The following MUC20 variants were observed in gnomAD, a reference collection of about 807,000 sequenced individuals.
The protein encoded by MUC20 is mucin-20.
Under a neutral mutation model 23.8 loss-of-function variants are expected in MUC20, and 14 were observed. The observed-to-expected ratio is 0.59, with a 90% confidence interval of 0.39 to 0.92. MUC20 has a LOEUF of 0.92. Among genes scored for constraint, MUC20 ranks in the 40% least tolerant of loss-of-function variants. The pLI, the probability that MUC20 is intolerant of heterozygous loss-of-function variation, is 0.00. For synonymous variants in MUC20, 166 were observed against 279.3 expected (o/e 0.59, Z 4.04); for missense variants, 375 against 668.8 (o/e 0.56, Z 4.85).
rs1434198239 is a variant in MUC20, at chr3:195,722,756, T to A, written c.76+1673T>A. Reference sequence around the variant, plus strand: ...GGACCAAGAAGGCTCAAAGAAATGATCTCAGGCTTGAAGTGGGGAGAAGAA... The same window carrying A: ...GGACCAAGAAGGCTCAAAGAAATGAACTCAGGCTTGAAGTGGGGAGAAGAA... On this transcript the variant is annotated intron_variant, in intron 1 of 3. Transcript: ENST00000447234. 7 of 982,614 alleles carry A rather than the reference T, an allele frequency of 7.1e-6. No homozygotes were observed. The African/African-American group carries it at 1.2e-4, about 17-fold the overall frequency. 60.9% of individuals were successfully genotyped at this position (982,614 alleles called of 1,614,324 possible). A position where few individuals can be genotyped will look rare whatever the true frequency, so the allele number is the denominator to read the frequency against.
chr3:195,729,809 C>G, intron 3 of MUC20, 70 bp downstream of exon 3: 3 of 1,414,840 alleles, frequency 2.1e-6, no homozygotes, highest in Non-Finnish European at 2.9e-6. Context: ...CAGGGAAGAC[C>G]CGCAGGACAC....
At position 195,733,207 on chromosome 3, in the gene MUC20, A is replaced by G. The variant is rs1713580646; in HGVS notation, c.2119A>G (p.Arg707Gly). The change falls in exon 4 of 4, where the codon AGG (arginine) becomes GGG (glycine). Residue 707 changes from arginine to glycine, a missense_variant. This residue lies in a region of MUC20 where 343 missense variants were observed against 340.2 expected (regional missense o/e 1.01). Coordinates refer to ENST00000447234, the MANE Select transcript of MUC20 (RefSeq NM_001282506.2). ...CTTCCAGGTCTCCTTACTGCGTGTC[A>G]GGAGAGGCTAACGGACATCAGCTGC... Reference protein sequence around the residue: ...PHFQVSLLRVRRG With the variant: ...PHFQVSLLRVGRG 7 of 1,592,348 alleles carry G rather than the reference A, an allele frequency of 4.4e-6. No homozygotes were observed. The highest frequency in any genetic ancestry group is 5.1e-6 in the Non-Finnish European group (6 of 1,170,484).
Position 195,729,733 on chromosome 3 carries a change from G to A in MUC20, c.2055G>A (p.Met685Ile), listed in dbSNP as rs1279995912. The A allele has an allele frequency of 6.3e-7, 1 of 1,594,900 alleles. No individual in the cohort carries two copies. The highest frequency in any genetic ancestry group is 2.3e-5 in the East Asian group (1 of 44,162). The change falls in exon 3 of 4, where the codon ATG (methionine) becomes ATA (isoleucine). Residue 685 changes from methionine (M) to isoleucine (I), a missense_variant. Transcript: ENST00000447234. ...LTDPRVAERLMQQLHRELHAH... is the reference protein window; with the variant it reads ...LTDPRVAERLIQQLHRELHAH... ...ACCCCAGAGTGGCAGAAAGGCTGAT[G>A]CAGCAGGTGAGTGGGCACTTTCCGG...
chr3:195,733,499 AT>A lies in MUC20; in HGVS notation c.*282del. 1 of 1,378,306 alleles carries A rather than the reference AT, an allele frequency of 7.3e-7. No homozygotes were observed. Among genetic ancestry groups the A allele is most frequent in the Non-Finnish European group, 9.3e-7 (1 of 1,069,820 alleles). 85.4% of individuals were successfully genotyped at this position (1,378,306 alleles called of 1,614,324 possible). ...CTGTGTTTCAGTAAAGAGAGACCTG[AT>A]CACCCATCTGTGTGCTTCCATCCTG... On this transcript the variant is annotated 3_prime_UTR_variant, in exon 4 of 4. Coordinates refer to ENST00000447234, the MANE Select transcript of MUC20 (RefSeq NM_001282506.2).
rs1411310534 is a variant in MUC20 at position 195,721,074 on chromosome 3, A to G, written c.67A>G (p.Ser23Gly). Reference protein sequence around the residue: ...FFCWEVGVSGSSAGPSTRRAD... With the variant: ...FFCWEVGVSGGSAGPSTRRAD... ...CTGCTGGGAGGTTGGGGTCTCTGGG[A>G]GCTCTGCAGGTAAGGAGGCCTAGAA... Residue 23 changes from serine (S) to glycine (G), a missense_variant, in exon 1 of 4, where the codon AGC becomes GGC. Physicochemically the swap from Ser to Gly is moderately conservative, Grantham distance 56. This residue lies in a region of MUC20 where 7 missense variants were observed against 24.8 expected (regional missense o/e 0.28). Transcript: ENST00000447234. 1 of 1,584,846 alleles carries G rather than the reference A, an allele frequency of 6.3e-7. No homozygotes were observed.
chr3:195,725,933 C>T lies in MUC20; in HGVS notation c.1330C>T (p.Leu444Phe), dbSNP rs781689081. 7 of 1,613,626 alleles carry T rather than the reference C, an allele frequency of 4.3e-6. No homozygotes were observed. The highest frequency in any genetic ancestry group is 1.7e-4 in the Middle Eastern group (1 of 6,060). Reference sequence around the variant, plus strand: ...CATCCCTGGGGCCTCAGACACAGATCTCATCCCCACGGAAGGGGTGAAGGC... The same window carrying T: ...CATCCCTGGGGCCTCAGACACAGATTTCATCCCCACGGAAGGGGTGAAGGC... ...SSIPGASDTD[L>F]IPTEGVKASS... is the part of the protein sequence containing the mutation. The change falls in exon 2 of 4, where the codon CTC becomes TTC. Residue 444 changes from leucine (L) to phenylalanine (F), a missense_variant. Around this residue, in one of 4 missense-constraint regions of MUC20, gnomAD observed 343 missense variants for 340.2 expected, o/e 1.01. Coordinates refer to ENST00000447234, the MANE Select transcript of MUC20 (RefSeq NM_001282506.2).
At chr3:195,722,119 C>T in intron 1 of MUC20, 1 of 515,802 alleles carries the variant, frequency 1.9e-6, no homozygotes, top group Non-Finnish European at 2.5e-6. Context: ...CAGAGTGGCA[C>T]ATTTGATAGG....
Position 195,733,290 on chromosome 3 carries a change from G to A in MUC20, c.*72G>A, listed in dbSNP as rs989702376. 38 of 1,551,672 alleles carry A rather than the reference G, an allele frequency of 2.4e-5. No individual in the cohort carries two copies. Among genetic ancestry groups the A allele is most frequent in the Non-Finnish European group, 2.9e-5 (33 of 1,147,152 alleles). On this transcript the variant is annotated 3_prime_UTR_variant, in exon 4 of 4. Coordinates refer to ENST00000447234, the MANE Select transcript of MUC20 (RefSeq NM_001282506.2). Reference sequence around the variant, plus strand: ...GCTGCCCCTAGCCTGGGCCCCCACCGACAGACTGCAGCTGCGTTACTGTGC... The same window carrying A: ...GCTGCCCCTAGCCTGGGCCCCCACCAACAGACTGCAGCTGCGTTACTGTGC...
intron 3 of MUC20, 122 bp from the exon 4 acceptor site, chr3:195,733,028 G>A: frequency 9.9e-7 from 1 of 1,010,982 alleles, no homozygotes; most frequent in South Asian, 1.5e-5. Context: ...GCATGTAGGA[G>A]GCCCAGGAAG....
At chr3:195,728,298 T>C (rs1447493735) in intron 2 of MUC20, among the ~76,000 whole-genome samples, 1 of 152,296 alleles carries the variant, frequency 6.6e-6, no homozygotes, top group Non-Finnish European at 1.5e-5. Context: ...ATTTTCATTA[T>C]TTTAGCAAAA....
chr3:195,733,152 C>T lies in MUC20; in HGVS notation c.2064C>T (p.Leu688=). The change falls in exon 4 of 4, where the codon CTC becomes CTT. Residue 688 remains leucine (L), a splice_region_variant and synonymous_variant. Coordinates refer to ENST00000447234, the MANE Select transcript of MUC20 (RefSeq NM_001282506.2). ...PRVAERLMQQ[L]HRELHAHAPH... Reference sequence around the variant, plus strand: ...CAGCTGGCTCTTTTGCTCTCCAGCTCCACCGGGAACTCCACGCCCACGCGC... The same window carrying T: ...CAGCTGGCTCTTTTGCTCTCCAGCTTCACCGGGAACTCCACGCCCACGCGC... The T allele has an allele frequency of 3.1e-6, 5 of 1,587,976 alleles. No individual in the cohort carries two copies. In the South Asian group the frequency reaches 5.8e-5, roughly 18 times the overall value.
At chr3:195,733,092 T>C (rs1713563025) in intron 3 of MUC20, 58 bp from the exon 4 acceptor site, 2 of 1,537,746 alleles carry the variant, frequency 1.3e-6, no homozygotes, top group Admixed American at 2.0e-5. Flanking sequence ...GTCCTCTGCC[T>C]CTGGCGAGCT....
chr3:195,732,918 G>A (rs549396781), intron 3 of MUC20, among the ~76,000 whole-genome samples: 10 of 152,348 alleles, frequency 6.6e-5, no homozygotes, highest in African/African-American at 1.7e-4. Context: ...TATTCTATGC[G>A]ACTTTCATCC....
At chr3:195,731,733 T>C (rs2550294) in intron 3 of MUC20, among the ~76,000 whole-genome samples, 59,008 of 149,986 alleles carry the variant, frequency 0.39, 7,754 homozygotes, top group East Asian at 0.73. Flanking sequence ...TTTGATAGGC[T>C]GAGCTTAGCC....
chr3:195,728,322 G>A (rs1712937280), intron 2 of MUC20, among the ~76,000 whole-genome samples: 1 of 152,284 alleles, frequency 6.6e-6, no homozygotes, highest in South Asian at 2.1e-4. Flanking sequence ...AATGTAGTAG[G>A]AGAGCAGGGT....
At chr3:195,729,428 T>C in intron 2 of MUC20, 1 of 502,406 alleles carries the variant, frequency 2.0e-6, no homozygotes, top group Non-Finnish European at 3.6e-6. Context: ...GCGATTCTCC[T>C]GCCTCAGCCT....
intron 3 of MUC20, among the ~76,000 whole-genome samples, chr3:195,732,367 T>C (rs13065588): frequency 0.18 from 26,227 of 148,814 alleles, 3 homozygotes; most frequent in Middle Eastern, 0.21. Context: ...TTCTTTTCTT[T>C]TATTTTTCTT....
At chr3:195,731,384 T>C (rs949056733) in intron 3 of MUC20, among the ~76,000 whole-genome samples, 1 of 152,242 alleles carries the variant, frequency 6.6e-6, no homozygotes, top group African/African-American at 2.4e-5. Flanking sequence ...AAGCAAGATA[T>C]GTCCGTGGAG....
rs199620417 is a variant in MUC20 at position 195,725,912 on chromosome 3, C to T, written c.1309C>T (p.Pro437Ser). Residue 437 changes from proline (P) to serine (S), a missense_variant, in exon 2 of 4, where the codon CCT (proline) becomes TCT (serine). Transcript: ENST00000447234. Reference protein sequence around the residue: ...TEIETTTSSIPGASDTDLIPT... With the variant: ...TEIETTTSSISGASDTDLIPT... ...AATAGAAACAACGACTTCCAGCATC[C>T]CTGGGGCCTCAGACACAGATCTCAT... is the stretch of plus-strand genomic sequence containing the variant. 0.034 allele frequency: 51,948 copies of T among 1,513,466 alleles called. 154 individuals are homozygous for T. The highest frequency in any genetic ancestry group is 0.19 in the African/African-American group (13,325 of 68,730). 93.8% of individuals were successfully genotyped at this position (1,513,466 alleles called of 1,614,324 possible).
Sources: allele counts gnomAD v4.1 joint callset (sites outside exome capture counted in the v4.1 genomes callset), GRCh38; gene constraint gnomAD v4.1.1; regional missense constraint gnomAD v4.1.1; transcripts MANE v1.5; gene names NCBI Gene and HGNC (gene_info 2026-07-23, HGNC 2026-07-21).